Variants in SPON1 observed in about 807,000 individuals in gnomAD.
The protein encoded by SPON1 is spondin 1.
Under a neutral mutation model 111.7 loss-of-function variants are expected in SPON1, and 52 were observed. The observed-to-expected ratio is 0.47, with a 90% CI of 0.37 to 0.59. The LOEUF is 0.59. SPON1 is among the 20% of genes least tolerant of loss of function. The pLI is 0.00. For synonymous variants in SPON1, 410 were observed against 395.8 expected (o/e 1.04, Z -0.43); for missense variants, 957 against 1,068.5 (o/e 0.90, Z 1.46).
At chr11:14,167,428 A>G (rs1848042831) in intron 6 of SPON1, among the ~76,000 whole-genome samples, 1 of 152,100 alleles carries the variant, frequency 6.6e-6, no homozygotes, top group Non-Finnish European at 1.5e-5. Context: ...AACTTAGCCA[A>G]TAAAGATAGC....
intron 6 of SPON1, among the ~76,000 whole-genome samples, chr11:14,204,500 C>G (rs937582509): frequency 6.6e-6 from 1 of 151,918 alleles, no homozygotes; most frequent in African/African-American, 2.4e-5. Flanking sequence ...GTTGCCCAGA[C>G]TGGTCTCAAA....
chr11:14,255,339 G>A (rs182226142), intron 8 of SPON1, among the ~76,000 whole-genome samples: 16 of 152,308 alleles, frequency 1.1e-4, no homozygotes, highest in African/African-American at 2.6e-4. Context: ...TTCCAATGCC[G>A]GGTCTATTAG....
intron 6 of SPON1, among the ~76,000 whole-genome samples, chr11:14,176,092 G>A (rs1848171723): frequency 6.6e-6 from 1 of 152,090 alleles, no homozygotes; most frequent in Non-Finnish European, 1.5e-5. Context: ...GAAAGGCAAA[G>A]AGCAGACAGG....
At position 14,257,706 on chromosome 11, in the gene SPON1, C is replaced by T. The variant is rs781965935; in HGVS notation, c.1310-10C>T. The T allele has an allele frequency of 6.3e-7, 1 of 1,598,554 alleles. No homozygotes were observed. The highest frequency in any genetic ancestry group is 1.7e-5 in the Admixed American group (1 of 58,910). On this transcript the variant is annotated splice_polypyrimidine_tract_variant and intron_variant, in intron 10 of 15. Transcript: ENST00000576479. ...GTTCCCAGGGAAAACATGTCAAACA[C>T]TCTTTCCAGATGACACCCCTGAAAC...
intron 6 of SPON1, among the ~76,000 whole-genome samples, chr11:14,164,146 T>A (rs1245951956): frequency 1.3e-5 from 2 of 152,170 alleles, no homozygotes; most frequent in African/African-American, 4.8e-5. Flanking sequence ...CCGTTAACCG[T>A]TAAAGGTGAA....
intron 5 of SPON1, among the ~76,000 whole-genome samples, chr11:14,083,983 C>T (rs1848984460): frequency 6.6e-6 from 1 of 152,140 alleles, no homozygotes; most frequent in Non-Finnish European, 1.5e-5. Flanking sequence ...CGCATAAGTG[C>T]TTTTATTCAA....
intron 15 of SPON1, among the ~76,000 whole-genome samples, chr11:14,263,388 G>T (rs1849213701): frequency 6.6e-6 from 1 of 152,142 alleles, no homozygotes; most frequent in Non-Finnish European, 1.5e-5. Context: ...TGTGTCAAAG[G>T]AGTCTTGTCT....
chr11:14,156,653 T>C (rs554820085), intron 6 of SPON1, among the ~76,000 whole-genome samples: 1 of 152,256 alleles, frequency 6.6e-6, no homozygotes, highest in South Asian at 2.1e-4. Context: ...CTTTAATCCA[T>C]CTTGAAGTAA....
At chr11:14,064,649 G>A (rs910034439) in intron 3 of SPON1, among the ~76,000 whole-genome samples, 12 of 152,154 alleles carry the variant, frequency 7.9e-5, no homozygotes, top group Non-Finnish European at 1.3e-4. Context: ...CCTGTGCTGG[G>A]GTGTGGTAGA....
intron 3 of SPON1, among the ~76,000 whole-genome samples, chr11:14,067,852 C>T (rs183157415): frequency 7.2e-5 from 11 of 152,304 alleles, no homozygotes; most frequent in South Asian, 2.1e-4. Context: ...GCTGGGTAGA[C>T]GCCAGGACTT....
At chr11:13,966,330 G>A (rs781859435) in intron 1 of SPON1, among the ~76,000 whole-genome samples, 1 of 152,124 alleles carries the variant, frequency 6.6e-6, no homozygotes, top group Non-Finnish European at 1.5e-5. Context: ...GGATCCTCAA[G>A]GGGCTTCCCT....
intron 5 of SPON1, among the ~76,000 whole-genome samples, chr11:14,119,267 A>C (rs1258474801): frequency 6.6e-6 from 1 of 152,162 alleles, no homozygotes; most frequent in Non-Finnish European, 1.5e-5. Context: ...TAGAGGAAGC[A>C]GAAGTGAAGG....
intron 3 of SPON1, among the ~76,000 whole-genome samples, chr11:14,065,700 T>TCAGA (rs1400404360): frequency 6.6e-6 from 1 of 152,228 alleles, no homozygotes; most frequent in Non-Finnish European, 1.5e-5. Context: ...GTCATATATT[T>TCAGA]CAGACCTAAT....
chr11:13,977,765 G>A (rs991870364), intron 1 of SPON1, among the ~76,000 whole-genome samples: 12 of 151,872 alleles, frequency 7.9e-5, no homozygotes, highest in Non-Finnish European at 1.3e-4. Context: ...AAGGTCATTC[G>A]CATTTTATTT....
intron 3 of SPON1, among the ~76,000 whole-genome samples, chr11:14,067,967 C>T (rs782042969): frequency 6.6e-6 from 1 of 152,218 alleles, no homozygotes; most frequent in Non-Finnish European, 1.5e-5. Context: ...ATCTCTAAGT[C>T]CTAACACAGC....
chr11:13,967,644 G>A (rs1417448274), intron 1 of SPON1, among the ~76,000 whole-genome samples: 1 of 151,984 alleles, frequency 6.6e-6, no homozygotes, highest in Non-Finnish European at 1.5e-5. Flanking sequence ...GACATATTTA[G>A]GCTCTAAGAA....
intron 3 of SPON1, among the ~76,000 whole-genome samples, chr11:14,072,241 GACA>G (rs1461961430): frequency 1.3e-5 from 2 of 152,068 alleles, no homozygotes; most frequent in Admixed American, 6.5e-5. Flanking sequence ...GCTCAGAAAT[GACA>G]ACAATTATTA....
Position 14,196,388 on chromosome 11 carries a change from A to T in SPON1, c.826-46944A>T, listed in dbSNP as rs115087349. On this transcript the variant is annotated intron_variant, in intron 6 of 15. Coordinates refer to ENST00000576479, the MANE Select transcript of SPON1 (RefSeq NM_006108.4). The stretch of plus-strand genomic sequence containing the variant: ...TGGTGGGGCCATTGAAAATGTTCTA[A>T]ATCTATTGCGGTGATGTTTACACAA... 7.7e-3 allele frequency among the ~76,000 whole-genome samples: 1,169 copies of T among 152,266 alleles called. 25 individuals carry two copies. Among genetic ancestry groups the T allele is most frequent in the African/African-American group, 0.027 (1,125 of 41,554 alleles).
intron 3 of SPON1, among the ~76,000 whole-genome samples, chr11:14,052,312 T>C (rs1848713634): frequency 6.6e-6 from 1 of 152,228 alleles, no homozygotes. Context: ...ACTCTTTTTA[T>C]CTTCAAAGAA....
Sources: allele counts gnomAD v4.1 joint callset (sites outside exome capture counted in the v4.1 genomes callset), GRCh38; gene constraint gnomAD v4.1.1; transcripts MANE v1.5; gene names NCBI Gene and HGNC (gene_info 2026-07-23, HGNC 2026-07-21).